Variants in SLC8A1 observed in about 807,000 individuals in gnomAD.
SLC8A1 encodes the protein solute carrier family 8 member A1, also known as sodium/calcium exchanger 1.
A neutral mutation model predicts 68.3 loss-of-function variants in SLC8A1; 18 were observed. The ratio of observed to expected loss-of-function variants is 0.26; its 90% CI spans 0.18 to 0.39. SLC8A1 has a LOEUF of 0.39. Among genes scored for constraint, SLC8A1 ranks in the 10% least tolerant of loss-of-function variants. SLC8A1 has a pLI of 1.00. For missense variants in SLC8A1, 985 were observed against 1,156.7 expected, an observed-to-expected ratio of 0.85 and a Z score of 2.15; for synonymous variants, 475 against 415.5, an observed-to-expected ratio of 1.14 and a Z score of -1.74.
chr2:40,314,561 G>A (rs2074187892), intron 2 of SLC8A1, among the ~76,000 whole-genome samples: 2 of 151,744 alleles, frequency 1.3e-5, no homozygotes, highest in East Asian at 1.9e-4. Context: ...GATTTTCACT[G>A]GAATTACATT....
intron 1 of SLC8A1, among the ~76,000 whole-genome samples, chr2:40,485,327 T>C (rs937636661): frequency 3.9e-5 from 6 of 152,162 alleles, no homozygotes; most frequent in African/African-American, 1.4e-4. Flanking sequence ...AACAACAACA[T>C]TTTCCTACTT....
At chr2:40,169,196 T>C (rs897860241) in intron 4 of SLC8A1, among the ~76,000 whole-genome samples, 2 of 152,196 alleles carry the variant, frequency 1.3e-5, no homozygotes, top group Non-Finnish European at 2.9e-5. Flanking sequence ...GTCCATCTCA[T>C]TATCAAGATC....
intron 1 of SLC8A1, among the ~76,000 whole-genome samples, chr2:40,500,146 AAAC>A (rs1488711691): frequency 2.0e-5 from 3 of 152,040 alleles, no homozygotes; most frequent in African/African-American, 7.2e-5. Flanking sequence ...ACAAACAAAC[AAAC>A]AACAACAACA....
intron 2 of SLC8A1, among the ~76,000 whole-genome samples, chr2:40,253,241 ATATACACATATG>A (rs2063268135): frequency 6.7e-6 from 1 of 150,234 alleles, no homozygotes; most frequent in Admixed American, 6.7e-5. Context: ...ACATGTGCGT[ATATACACATATG>A]TATACATATA....
At chr2:40,149,002 C>T (rs971386566) in intron 6 of SLC8A1, among the ~76,000 whole-genome samples, 2 of 152,144 alleles carry the variant, frequency 1.3e-5, no homozygotes, top group African/African-American at 4.8e-5. Flanking sequence ...TCTTCAATAT[C>T]AGCCATCTGG....
chr2:40,318,302 A>G (rs1002629248), intron 2 of SLC8A1, among the ~76,000 whole-genome samples: 1 of 152,004 alleles, frequency 6.6e-6, no homozygotes, highest in Admixed American at 6.6e-5. Context: ...CTCTCCTGAA[A>G]GAGGCTGGGC....
At chr2:40,397,386 C>T (rs1687329986) in intron 2 of SLC8A1, among the ~76,000 whole-genome samples, 1 of 152,148 alleles carries the variant, frequency 6.6e-6, no homozygotes, top group African/African-American at 2.4e-5. Flanking sequence ...TGGCTTGTCT[C>T]ATTCCATAGT....
At chr2:40,323,365 C>T (rs991748386) in intron 2 of SLC8A1, among the ~76,000 whole-genome samples, 1 of 152,154 alleles carries the variant, frequency 6.6e-6, no homozygotes, top group African/African-American at 2.4e-5. Flanking sequence ...ACAGGTCTTG[C>T]AAATAGAATT....
chr2:40,350,820 G>C (rs1670853491), intron 2 of SLC8A1, among the ~76,000 whole-genome samples: 3 of 151,880 alleles, frequency 2.0e-5, no homozygotes, highest in African/African-American at 7.3e-5. Context: ...ATGTGTAGTA[G>C]GCACTCTATA....
At chr2:40,500,498 A>C (rs1046027805) in intron 1 of SLC8A1, among the ~76,000 whole-genome samples, 1 of 152,092 alleles carries the variant, frequency 6.6e-6, no homozygotes, top group Non-Finnish European at 1.5e-5. Context: ...TAGTTTGTTC[A>C]TTCATAAAGT....
At chr2:40,480,414 C>T (rs763506507) in intron 1 of SLC8A1, among the ~76,000 whole-genome samples, 10 of 152,238 alleles carry the variant, frequency 6.6e-5, no homozygotes, top group Non-Finnish European at 8.8e-5. Flanking sequence ...TCACCCCTTG[C>T]ATCATGTGTG....
At chr2:40,445,518 TCTC>T (rs1324781717) in intron 1 of SLC8A1, among the ~76,000 whole-genome samples, 1 of 152,186 alleles carries the variant, frequency 6.6e-6, no homozygotes, top group Non-Finnish European at 1.5e-5. Flanking sequence ...GATTCTACTA[TCTC>T]CTATTTCAGT....
exon 2 of SLC8A1, chr2:40,429,737 T>C: frequency 1.2e-6 from 2 of 1,613,824 alleles, no homozygotes; most frequent in Non-Finnish European, 1.7e-6. Context: ...AGTGCAATAA[T>C]GATGAACATA....
At chr2:40,389,203 A>G (rs540933716) in intron 2 of SLC8A1, among the ~76,000 whole-genome samples, 21 of 152,244 alleles carry the variant, frequency 1.4e-4, no homozygotes, top group African/African-American at 5.1e-4. Flanking sequence ...CAGAGAGGCT[A>G]TACGGACAAT....
chr2:40,414,627 T>C (rs1312162899), intron 2 of SLC8A1, among the ~76,000 whole-genome samples: 1 of 152,224 alleles, frequency 6.6e-6, no homozygotes, highest in Non-Finnish European at 1.5e-5. Context: ...TTAAGTCATG[T>C]TTAAATGAGG....
chr2:40,100,634 G>A (rs1358842662), exon 8 of SLC8A1: 4 of 152,272 alleles, frequency 2.6e-5, no homozygotes, highest in Middle Eastern at 6.8e-3. Flanking sequence ...TGGAAACACA[G>A]GAAGGAGTGA....
intron 1 of SLC8A1, among the ~76,000 whole-genome samples, chr2:40,487,891 T>C (rs192987781): frequency 6.6e-6 from 1 of 152,262 alleles, no homozygotes; most frequent in East Asian, 1.9e-4. Context: ...AGTAAGTAAA[T>C]TGTTCATGGA....
chr2:40,255,024 T>C (rs2063660571), intron 2 of SLC8A1: 1 of 151,146 alleles, frequency 6.6e-6, no homozygotes, highest in South Asian at 2.1e-4. Context: ...CTTCCTTGAC[T>C]GTCTTCATTC....
Position 40,283,703 on chromosome 2 carries a change from G to C in SLC8A1, c.1809-105848C>G, listed in dbSNP as rs78275595. Among the ~76,000 whole-genome samples the C allele has an allele frequency of 2.1e-3, 321 of 152,324 alleles. 8 individuals are homozygous for C. In the East Asian group the frequency reaches 0.054, roughly 26 times the overall value. On this transcript the variant is annotated intron_variant, in intron 2 of 7. Transcript: ENST00000406785. ...ATGCTCTTTATCTCAGCTCACTGCA[G>C]CTGTCCTTTCTGCCAAAAGCAAAAC...
Sources: allele counts gnomAD v4.1 joint callset (sites outside exome capture counted in the v4.1 genomes callset), GRCh38; gene constraint gnomAD v4.1.1; transcripts MANE v1.5; gene names NCBI Gene and HGNC (gene_info 2026-07-23, HGNC 2026-07-21).